The following CCDC88B variants were observed in gnomAD, a reference collection of about 807,000 sequenced individuals.
CCDC88B encodes coiled-coil and HOOK domain protein 88B, also known as coiled-coil domain-containing protein 88B.
A neutral mutation model predicts 183.7 loss-of-function variants in CCDC88B; 138 were observed. The ratio of observed to expected loss-of-function variants is 0.75; its 90% confidence interval spans 0.65 to 0.87. CCDC88B has a LOEUF of 0.87. Among genes scored for constraint, CCDC88B ranks in the 40% least tolerant of loss-of-function variants. The probability of loss-of-function intolerance (pLI) is 0.00; values close to 1 mark genes in which losing one functional copy is unlikely to be tolerated. For synonymous variants in CCDC88B, 835 were observed against 867.5 expected (o/e 0.96, Z 0.66); for missense variants, 1,822 against 1,965.6 (o/e 0.93, Z 1.38).
In CCDC88B at chr11:64,342,511, GT is replaced by G. The variant is rs2035913538; in HGVS notation, c.904-10del. Reference sequence around the variant, plus strand: ...GGCTGGCTGTTCCCAGCTCCACACCGTCTGGCCCAGGCCCAGGCGCTGTCGG... The same window carrying G: ...GGCTGGCTGTTCCCAGCTCCACACCGCTGGCCCAGGCCCAGGCGCTGTCGG... On this transcript the variant is annotated splice_polypyrimidine_tract_variant and intron_variant, in intron 9 of 26. Transcript: ENST00000356786. 6.5e-7 allele frequency: 1 copy of G among 1,527,662 alleles called. No homozygotes were observed. The highest frequency in any genetic ancestry group is 8.8e-7 in the Non-Finnish European group (1 of 1,141,778). 94.6% of individuals were successfully genotyped at this position (1,527,662 alleles called of 1,614,324 possible).
chr11:64,340,564 GGT>G, intron 1 of CCDC88B, 41 bp from the exon 2 acceptor site: 2 of 1,587,522 alleles, frequency 1.3e-6, no homozygotes. Flanking sequence ...AGGGGCTCAG[GGT>G]TCACTCTGCT....
At position 64,355,249 on chromosome 11, in the gene CCDC88B, TG is replaced by T; in HGVS notation, c.4156del (p.Glu1386ArgfsTer223). 6.4e-7 allele frequency: 1 copy of T among 1,552,606 alleles called. No individual in the cohort carries two copies. The highest frequency in any genetic ancestry group is 8.7e-7 in the Non-Finnish European group (1 of 1,152,836). On this transcript the variant is annotated frameshift_variant, in exon 25 of 27. Transcript: ENST00000356786. LOFTEE classifies it high-confidence loss of function. ...RAQSSLCLRD[E>X]TLAGGQRRKL... ...CCCAGAGCTCCCTCTGCCTGCGGGA[TG>T]AGACCTTGGCAGGCGGGCAGCGGCG... is the stretch of plus-strand genomic sequence containing the variant.
At position 64,342,542 on chromosome 11, in the gene CCDC88B, G is replaced by A; in HGVS notation, c.924G>A (p.Gln308=). The A allele has an allele frequency of 2.0e-6, 3 of 1,530,854 alleles. No individual in the cohort carries two copies. Among genetic ancestry groups the A allele is most frequent in the African/African-American group, 1.4e-5 (1 of 73,020 alleles). The allele number at this position is 1,530,854 out of a possible 1,614,324, so 94.8% of individuals were successfully genotyped here. The change falls in exon 10 of 27, where the codon CAG becomes CAA. Residue 308 remains glutamine (Q), a synonymous_variant. Coordinates refer to ENST00000356786, the MANE Select transcript of CCDC88B (RefSeq NM_032251.6). The part of the protein sequence containing the change: ...LRQEAQALSG[Q]AKRAELYREE... ...CCCAGGCCCAGGCGCTGTCGGGACA[G>A]GCCAAGCGGGCCGAGCTGTACCGCG...
chr11:64,343,515 C>T lies in CCDC88B; in HGVS notation c.1218C>T (p.Asp406=), dbSNP rs994261991. Residue 406 remains aspartate (D), a synonymous_variant, in exon 12 of 27, where the codon GAC becomes GAT. Transcript: ENST00000356786. ...CCTTCCCTCACCCCCAGGAGCTGGACTCTCTGCGGCATCAGGTGGACCAGC... is the reference window on the plus strand; with the variant it reads ...CCTTCCCTCACCCCCAGGAGCTGGATTCTCTGCGGCATCAGGTGGACCAGC... The part of the protein sequence containing the change: ...TRLGEAHAEL[D]SLRHQVDQLA... The T allele has an allele frequency of 1.3e-6, 2 of 1,551,610 alleles. No individual in the cohort carries two copies. The highest frequency in any genetic ancestry group is 3.9e-5 in the Admixed American group (2 of 50,992).
chr11:64,355,478 C>T (rs1479720160), intron 25 of CCDC88B, 78 bp downstream of exon 25: 1 of 1,588,562 alleles, frequency 6.3e-7, no homozygotes, highest in East Asian at 2.3e-5. Flanking sequence ...GAGGAGGCTT[C>T]CTTCTTGTCC....
At chr11:64,345,622 A>G (rs1565049370) in intron 14 of CCDC88B, among the ~76,000 whole-genome samples, 1 of 152,180 alleles carries the variant, frequency 6.6e-6, no homozygotes, top group African/African-American at 2.4e-5. Context: ...AAGTGGAGGC[A>G]AGGAGGCTTT....
In CCDC88B at chr11:64,355,234, C is replaced by T; in HGVS notation, c.4140C>T (p.Ser1380=). The stretch of plus-strand genomic sequence containing the variant: ...CACCCATGCGCCGGGCCCAGAGCTC[C>T]CTCTGCCTGCGGGATGAGACCTTGG... ...SPAPMRRAQS[S]LCLRDETLAG... Residue 1380 remains serine (S), a synonymous_variant, in exon 25 of 27, where the codon TCC becomes TCT. Coordinates refer to ENST00000356786, the MANE Select transcript of CCDC88B (RefSeq NM_032251.6). 3 of 1,526,890 alleles carry T rather than the reference C, an allele frequency of 2.0e-6. No homozygotes were observed. Among genetic ancestry groups the T allele is most frequent in the South Asian group, 2.6e-5 (2 of 76,062 alleles). The allele number at this position is 1,526,890 out of a possible 1,614,324, so 94.6% of individuals were successfully genotyped here.
In CCDC88B at chr11:64,342,558, C is replaced by G; in HGVS notation, c.940C>G (p.Leu314Val). The G allele has an allele frequency of 2.0e-6, 3 of 1,531,714 alleles. No individual in the cohort carries two copies. The highest frequency in any genetic ancestry group is 1.7e-6 in the Non-Finnish European group (2 of 1,145,332). 94.9% of individuals were successfully genotyped at this position (1,531,714 alleles called of 1,614,324 possible). A position where few individuals can be genotyped will look rare whatever the true frequency, so the allele number is the denominator to read the frequency against. The change falls in exon 10 of 27, where the codon CTG becomes GTG. Residue 314 changes from leucine to valine, a missense_variant. Coordinates refer to ENST00000356786, the MANE Select transcript of CCDC88B (RefSeq NM_032251.6). ...ALSGQAKRAE[L>V]YREEAEALRE... is the part of the protein sequence containing the mutation. ...GTCGGGACAGGCCAAGCGGGCCGAGCTGTACCGCGAGGAGGCAGAGGCGCT... is the reference window on the plus strand; with the variant it reads ...GTCGGGACAGGCCAAGCGGGCCGAGGTGTACCGCGAGGAGGCAGAGGCGCT...
At chr11:64,348,713 C>G (rs1263351057) in intron 14 of CCDC88B, 2 of 430,680 alleles carry the variant, frequency 4.6e-6, no homozygotes, top group Non-Finnish European at 8.3e-6. Flanking sequence ...TCCTGCCAGG[C>G]CCCCCATGTG....
chr11:64,355,436 C>A, intron 25 of CCDC88B, 36 bp downstream of exon 25: 1 of 1,584,330 alleles, frequency 6.3e-7, no homozygotes, highest in Non-Finnish European at 8.6e-7. Context: ...GCCAGCCCCC[C>A]AACTCTTTGT....
intron 26 of CCDC88B, 36 bp from the exon 27 acceptor site, chr11:64,357,003 G>A: frequency 6.5e-7 from 1 of 1,540,308 alleles, no homozygotes. Flanking sequence ...GAGTCCTCCT[G>A]AGGGAAGCAG....
chr11:64,345,983 C>T (rs529638441), intron 14 of CCDC88B, among the ~76,000 whole-genome samples: 19 of 152,110 alleles, frequency 1.2e-4, no homozygotes, highest in Admixed American at 4.6e-4. Context: ...CCAGCCTGGG[C>T]GACAGAGCGA....
intron 11 of CCDC88B, 73 bp downstream of exon 11, chr11:64,343,398 T>A (rs2035967138): frequency 6.5e-7 from 1 of 1,538,880 alleles, no homozygotes; most frequent in Non-Finnish European, 8.8e-7. Flanking sequence ...TAGTGGTCCC[T>A]AGTGATTCTT....
Position 64,344,281 on chromosome 11 carries a change from C to A in CCDC88B, c.1740C>A (p.Gly580=). 3 of 1,613,784 alleles carry A rather than the reference C, an allele frequency of 1.9e-6. No homozygotes were observed. The African/African-American group carries it at 4.0e-5, about 22-fold the overall frequency. ...QASDWSPQES[G]SPVETQESPE... ...CAGACTGGTCCCCGCAAGAGTCAGG[C>A]TCTCCTGTGGAGACACAGGAGTCCC... The change falls in exon 14 of 27, where the codon GGC becomes GGA. Residue 580 remains glycine (G), a synonymous_variant. Coordinates refer to ENST00000356786, the MANE Select transcript of CCDC88B (RefSeq NM_032251.6). This position sits in a 1 kb window ranked among gnomAD's most constrained non-coding sequence, Gnocchi z 4.5.
Position 64,352,882 on chromosome 11 carries a change from C to T in CCDC88B, c.3495C>T (p.His1165=), listed in dbSNP as rs375091940. The change falls in exon 20 of 27, where the codon CAC becomes CAT. Residue 1165 remains histidine, a synonymous_variant. Coordinates refer to ENST00000356786, the MANE Select transcript of CCDC88B (RefSeq NM_032251.6). The stretch of plus-strand genomic sequence containing the variant: ...AGCTGCGGAGGCTTCAGAGCGAGCA[C>T]GACAGGTGCCGCCCCTGCCACAGCC... ...EEELRRLQSE[H]DRAQMLLAEL... is the part of the protein sequence containing the mutation. 223 of 1,583,570 alleles carry T rather than the reference C, an allele frequency of 1.4e-4. 1 individual carries two copies. The highest frequency in any genetic ancestry group is 4.6e-5 in the Non-Finnish European group (54 of 1,166,568).
chr11:64,346,776 T>C (rs1449802970), intron 14 of CCDC88B, among the ~76,000 whole-genome samples: 1 of 148,658 alleles, frequency 6.7e-6, no homozygotes. Context: ...GGTTTCATCA[T>C]GTTGGCCTGG....
In CCDC88B at chr11:64,341,471, G is replaced by C. The variant is rs377292763; in HGVS notation, c.498G>C (p.Glu166Asp). 1.9e-6 allele frequency: 3 copies of C among 1,613,806 alleles called. No homozygotes were observed. Among genetic ancestry groups the C allele is most frequent in the Non-Finnish European group, 2.5e-6 (3 of 1,180,018 alleles). ...FIRHIQGLSLEVQSELAAAIQ... is the reference protein window; with the variant it reads ...FIRHIQGLSLDVQSELAAAIQ... ...GCCACATCCAGGGCCTCAGTCTCGA[G>C]GTCCAGAGCGAGCTGGCCGCTGCCA... The change falls in exon 6 of 27, where the codon GAG (glutamate) becomes GAC (aspartate). Residue 166 changes from glutamate (E) to aspartate (D), a missense_variant. Physicochemically the swap from Glu to Asp is conservative, Grantham distance 45. Coordinates refer to ENST00000356786, the MANE Select transcript of CCDC88B (RefSeq NM_032251.6).
intron 10 of CCDC88B, chr11:64,342,881 G>A (rs1462144836): frequency 2.9e-5 from 15 of 510,216 alleles, no homozygotes; most frequent in Admixed American, 3.8e-5. Context: ...GGGAGTGGGG[G>A]GGCTGTGTAA....
Position 64,344,341 on chromosome 11 carries a change from C to A in CCDC88B, c.1800C>A (p.Ser600Arg). 6.2e-7 allele frequency: 1 copy of A among 1,603,218 alleles called. No individual in the cohort carries two copies. Among genetic ancestry groups the A allele is most frequent in the Non-Finnish European group, 8.5e-7 (1 of 1,176,014 alleles). The change falls in exon 14 of 27, where the codon AGC becomes AGA. Residue 600 changes from serine to arginine, a missense_variant. By Grantham distance (110) the Ser-to-Arg change is moderately radical. Transcript: ENST00000356786. The surrounding 1 kb of genome is among the most constrained non-coding windows in gnomAD (Gnocchi z 4.5). ...CTGGCCGTAGATCCTCTCTCCAGAG[C>A]CCTGCCTCTGTGGCCCCACCTCAGG... ...EKAGRRSSLQSPASVAPPQGP... is the reference protein window; with the variant it reads ...EKAGRRSSLQRPASVAPPQGP...
Sources: gnomAD v4.1 joint callset for allele counts (sites outside exome capture counted in the v4.1 genomes callset) on GRCh38, gnomAD v4.1.1 for gene constraint, Gnocchi (gnomAD v3.1) non-coding constraint, MANE v1.5 for transcripts, NCBI Gene and HGNC (gene_info 2026-07-23, HGNC 2026-07-21) for gene names.